Variants in CNTNAP2 observed in about 807,000 individuals in gnomAD.
CNTNAP2 encodes contactin-associated protein-like 2.
In CNTNAP2, 98 loss-of-function variants were observed where a neutral mutation model predicts 155.2. That is an observed-to-expected ratio of 0.63 (90% CI 0.54 to 0.75). The LOEUF (loss-of-function observed/expected upper bound fraction) is 0.75, where lower values mean the gene tolerates loss of function less well. Ranked by LOEUF, CNTNAP2 falls within the 30% of genes least tolerant of loss-of-function variation. The probability of loss-of-function intolerance (pLI) is 0.00; values close to 1 mark genes in which losing one functional copy is unlikely to be tolerated. For missense variants in CNTNAP2, 1,727 were observed against 1,688.1 expected (o/e 1.02, Z -0.40); for synonymous variants, 651 against 631.2 (o/e 1.03, Z -0.47).
At chr7:147,567,961 C>G (rs1220335423) in intron 12 of CNTNAP2, among the ~76,000 whole-genome samples, 1 of 152,092 alleles carries the variant, frequency 6.6e-6, no homozygotes, top group East Asian at 1.9e-4. Context: ...TGGCGCACAC[C>G]TGTAGTCCCA....
chr7:146,194,119 C>T (rs560715974), intron 1 of CNTNAP2, among the ~76,000 whole-genome samples: 7 of 152,312 alleles, frequency 4.6e-5, no homozygotes, highest in African/African-American at 1.4e-4. Context: ...CTCACATTTT[C>T]CTGTCTTCTT....
rs111554288 is a variant in CNTNAP2, at chr7:147,076,102, G to C, written c.551-32045G>C. On this transcript the variant is annotated intron_variant, in intron 4 of 23. Transcript: ENST00000361727. ...TGCTGCAGTAAACATACGTGTGCAA[G>C]TGTCTTTATAGCAGCATGATTTATA... 6.1e-3 allele frequency among the ~76,000 whole-genome samples: 933 copies of C among 152,320 alleles called. 8 individuals are homozygous for C. Among genetic ancestry groups the C allele is most frequent in the African/African-American group, 0.021 (871 of 41,568 alleles).
intron 13 of CNTNAP2, among the ~76,000 whole-genome samples, chr7:147,698,381 C>T (rs1368685147): frequency 6.6e-6 from 1 of 152,162 alleles, no homozygotes; most frequent in Non-Finnish European, 1.5e-5. Context: ...GGCTCCAACA[C>T]ACCACTACCT....
At chr7:147,436,044 G>A (rs1183191696) in intron 10 of CNTNAP2, among the ~76,000 whole-genome samples, 2 of 151,984 alleles carry the variant, frequency 1.3e-5, no homozygotes, top group Admixed American at 6.6e-5. Context: ...TCATTTAAAC[G>A]TAAACAACAA....
At chr7:147,423,193 A>C (rs2116512540) in intron 10 of CNTNAP2, among the ~76,000 whole-genome samples, 1 of 152,320 alleles carries the variant, frequency 6.6e-6, no homozygotes, top group Admixed American at 6.5e-5. Context: ...GTCCACCCTT[A>C]AAGTTCTTTC....
intron 4 of CNTNAP2, among the ~76,000 whole-genome samples, chr7:147,061,231 T>G (rs2129262316): frequency 6.6e-6 from 1 of 152,310 alleles, no homozygotes; most frequent in South Asian, 2.1e-4. Flanking sequence ...AATAATGCAT[T>G]GAACACTTAC....
chr7:148,096,084 C>T (rs553560738), intron 15 of CNTNAP2, among the ~76,000 whole-genome samples: 2 of 152,220 alleles, frequency 1.3e-5, no homozygotes, highest in East Asian at 3.9e-4. Flanking sequence ...TTATTTTTCT[C>T]AAGTATAAAA....
chr7:148,278,518 C>T lies in CNTNAP2; in HGVS notation c.3475+11392C>T, dbSNP rs182998621. On this transcript the variant is annotated intron_variant, in intron 21 of 23. Coordinates refer to ENST00000361727, the MANE Select transcript of CNTNAP2 (RefSeq NM_014141.6). Reference sequence around the variant, plus strand: ...CCAGGAGGTGGAGCTTGCAGTAAGCCGAGATCGCGCCACTGCACTCCAGCC... The same window carrying T: ...CCAGGAGGTGGAGCTTGCAGTAAGCTGAGATCGCGCCACTGCACTCCAGCC... 3.8e-3 allele frequency among the ~76,000 whole-genome samples: 545 copies of T among 144,626 alleles called. 5 individuals are homozygous for T. The highest frequency in any genetic ancestry group is 0.013 in the African/African-American group (480 of 38,202). 94.9% of individuals were successfully genotyped at this position (144,626 alleles called of 152,430 possible). A position where few individuals can be genotyped will look rare whatever the true frequency, so the allele number is the denominator to read the frequency against.
intron 8 of CNTNAP2, among the ~76,000 whole-genome samples, chr7:147,219,981 G>A (rs915234349): frequency 1.3e-5 from 2 of 149,708 alleles, no homozygotes; most frequent in African/African-American, 2.5e-5. Context: ...AGTGGAGACG[G>A]GTTTTCACCG....
At chr7:146,150,167 G>T (rs1292594702) in intron 1 of CNTNAP2, among the ~76,000 whole-genome samples, 2 of 152,030 alleles carry the variant, frequency 1.3e-5, no homozygotes, top group Non-Finnish European at 2.9e-5. Flanking sequence ...AATGTAATAA[G>T]TTATTAGCTA....
At chr7:148,345,947 T>C (rs1798319456) in intron 21 of CNTNAP2, among the ~76,000 whole-genome samples, 1 of 152,210 alleles carries the variant, frequency 6.6e-6, no homozygotes, top group African/African-American at 2.4e-5. Context: ...TTGGAATCTC[T>C]GTTGTTTTTG....
At chr7:147,549,509 A>G (rs1293559480) in intron 11 of CNTNAP2, among the ~76,000 whole-genome samples, 2 of 152,130 alleles carry the variant, frequency 1.3e-5, no homozygotes, top group African/African-American at 4.8e-5. Flanking sequence ...GGCTGAGATG[A>G]TGGGGTTTTC....
intron 2 of CNTNAP2, among the ~76,000 whole-genome samples, chr7:146,783,865 A>G (rs966125540): frequency 6.6e-6 from 1 of 152,196 alleles, no homozygotes; most frequent in Non-Finnish European, 1.5e-5. Flanking sequence ...ATCACAGAAC[A>G]TCTTTAAGGC....
At chr7:148,171,856 T>C (rs1805800360) in intron 17 of CNTNAP2, among the ~76,000 whole-genome samples, 3 of 152,338 alleles carry the variant, frequency 2.0e-5, no homozygotes, top group African/African-American at 4.8e-5. Context: ...TTCATGTCTC[T>C]GCCTTTATAT....
At chr7:146,393,704 G>A (rs1396227796) in intron 1 of CNTNAP2, among the ~76,000 whole-genome samples, 1 of 152,000 alleles carries the variant, frequency 6.6e-6, no homozygotes, top group Non-Finnish European at 1.5e-5. Context: ...TCTCTGGAAT[G>A]TCTTCATAGA....
chr7:148,409,683 G>A lies in CNTNAP2; in HGVS notation c.3796+212G>A, dbSNP rs11767752. ...TGTTATCCTAGCACTTTGGGAGGCC[G>A]AGGTGGGCAGATCACCTGAGGTCAG... is the stretch of plus-strand genomic sequence containing the variant. On this transcript the variant is annotated intron_variant, in intron 23 of 23. Transcript: ENST00000361727. Among the ~76,000 whole-genome samples the A allele has an allele frequency of 9.2e-5, 14 of 151,766 alleles. No individual in the cohort carries two copies. The South Asian group carries it at 1.2e-3, about 14-fold the overall frequency.
intron 13 of CNTNAP2, among the ~76,000 whole-genome samples, chr7:147,886,292 G>A (rs573745899): frequency 1.3e-5 from 2 of 152,036 alleles, no homozygotes; most frequent in South Asian, 4.2e-4. Context: ...GGCCAACATG[G>A]TGAAACCCTG....
At chr7:146,633,832 GAAA>G (rs60993956) in intron 1 of CNTNAP2, among the ~76,000 whole-genome samples, 45 of 79,034 alleles carry the variant, frequency 5.7e-4, no homozygotes, top group Admixed American at 1.7e-3. Flanking sequence ...TGCATCTAGA[GAAA>G]AAAAAAAAAA....
At chr7:147,411,803 G>C (rs1797106898) in intron 10 of CNTNAP2, among the ~76,000 whole-genome samples, 1 of 152,086 alleles carries the variant, frequency 6.6e-6, no homozygotes, top group Non-Finnish European at 1.5e-5. Flanking sequence ...TAATATGCCT[G>C]CTAAAACTTT....
Sources: allele counts gnomAD v4.1 joint callset (sites outside exome capture counted in the v4.1 genomes callset), GRCh38; gene constraint gnomAD v4.1.1; transcripts MANE v1.5; gene names NCBI Gene and HGNC (gene_info 2026-07-23, HGNC 2026-07-21).